Variants in UNC93B1 observed in about 807,000 individuals in gnomAD.
UNC93B1 encodes the protein unc-93B1 regulator of TLR signaling.
A neutral mutation model predicts 56.8 loss-of-function variants in UNC93B1; 33 were observed. The ratio of observed to expected loss-of-function variants is 0.58; its 90% confidence interval spans 0.44 to 0.78. The LOEUF is 0.78. Ranked by LOEUF, UNC93B1 falls within the 30% of genes least tolerant of loss-of-function variation. UNC93B1 has a pLI of 0.00. For missense variants in UNC93B1, 673 were observed against 819.5 expected (o/e 0.82, Z 2.18); for synonymous variants, 334 against 358.6 (o/e 0.93, Z 0.77).
At chr11:68,000,628 G>A (rs556796815) in intron 3 of UNC93B1, among the ~76,000 whole-genome samples, 23 of 152,154 alleles carry the variant, frequency 1.5e-4, no homozygotes, top group Non-Finnish European at 2.2e-4. Flanking sequence ...TCGCGTCACC[G>A]CACTCCAGCC....
rs567285561 is a variant in UNC93B1 at position 67,999,051 on chromosome 11, C to T, written c.687+122G>A. 5 of 1,447,610 alleles carry T rather than the reference C, an allele frequency of 3.5e-6. No individual in the cohort carries two copies. The African/African-American group carries it at 5.7e-5, about 16-fold the overall frequency. 89.7% of individuals were successfully genotyped at this position (1,447,610 alleles called of 1,614,324 possible). A position where few individuals can be genotyped will look rare whatever the true frequency, so the allele number is the denominator to read the frequency against. Reference sequence around the variant, plus strand: ...AGCCATCTGGGCAACATAGTGAGACCAGGCCTCTTAAAAATAACAATAATA... The same window carrying T: ...AGCCATCTGGGCAACATAGTGAGACTAGGCCTCTTAAAAATAACAATAATA... On this transcript the variant is annotated intron_variant, in intron 5 of 10. Coordinates refer to ENST00000227471, the MANE Select transcript of UNC93B1 (RefSeq NM_030930.4).
Position 67,995,759 on chromosome 11 carries a change from C to G in UNC93B1, c.1215G>C (p.Leu405=), listed in dbSNP as rs1055846. ...GCAGGTGCACCCCTGCTCCGGCCACCAGGGGCACCGGGCGTGGCAGCCACA... is the reference window on the plus strand; with the variant it reads ...GCAGGTGCACCCCTGCTCCGGCCACGAGGGGCACCGGGCGTGGCAGCCACA... ...LGLWLPRPVP[L]VAGAGVHLLL... The change falls in exon 9 of 11, where the codon CTG becomes CTC. Residue 405 remains leucine (L), a synonymous_variant. Coordinates refer to ENST00000227471, the MANE Select transcript of UNC93B1 (RefSeq NM_030930.4). 49 of 1,548,122 alleles carry G rather than the reference C, an allele frequency of 3.2e-5. No individual in the cohort carries two copies. Among genetic ancestry groups the G allele is most frequent in the East Asian group, 2.4e-4 (10 of 40,888 alleles).
Position 68,003,528 on chromosome 11 carries a change from C to A in UNC93B1, c.238+129G>T. 7.6e-7 allele frequency: 1 copy of A among 1,321,296 alleles called. No individual in the cohort carries two copies. Among genetic ancestry groups the A allele is most frequent in the Non-Finnish European group, 9.8e-7 (1 of 1,018,128 alleles). 81.8% of individuals were successfully genotyped at this position (1,321,296 alleles called of 1,614,324 possible). A position where few individuals can be genotyped will look rare whatever the true frequency, so the allele number is the denominator to read the frequency against. On this transcript the variant is annotated intron_variant, in intron 2 of 10. Coordinates refer to ENST00000227471, the MANE Select transcript of UNC93B1 (RefSeq NM_030930.4). The surrounding 1 kb of genome is among the most constrained non-coding windows in gnomAD (Gnocchi z 4.4). ...CCAACCCCACCCCCGCCGCGGGGGG[C>A]CGTGGCTGCAGCTGCGAGGGCAGCG...
At chr11:68,000,453 T>C (rs539035947) in intron 3 of UNC93B1, among the ~76,000 whole-genome samples, 2 of 151,762 alleles carry the variant, frequency 1.3e-5, no homozygotes, top group Non-Finnish European at 2.9e-5. Context: ...TCACCTGAGG[T>C]CAGAAGTTTG....
At position 68,003,873 on chromosome 11, in the gene UNC93B1, GC is replaced by G; in HGVS notation, c.96+74del. The stretch of plus-strand genomic sequence containing the variant: ...GTCCCCCGGTGCCCGCCGCCCCCCG[GC>G]CCGCCCCGCCCCCGCCGGGGGGACC... On this transcript the variant is annotated intron_variant, in intron 1 of 10. Transcript: ENST00000227471. This position sits in a 1 kb window ranked among gnomAD's most constrained non-coding sequence, Gnocchi z 4.4. 7.8e-7 allele frequency: 1 copy of G among 1,281,192 alleles called. No homozygotes were observed. Among genetic ancestry groups the G allele is most frequent in the Non-Finnish European group, 9.8e-7 (1 of 1,020,242 alleles). The allele number at this position is 1,281,192 out of a possible 1,614,324, so 79.4% of individuals were successfully genotyped here. A position where few individuals can be genotyped will look rare whatever the true frequency, so the allele number is the denominator to read the frequency against.
In UNC93B1 at chr11:67,996,769, C is replaced by T. The variant is rs868764017; in HGVS notation, c.922G>A (p.Gly308Arg). 3 of 1,558,992 alleles carry T rather than the reference C, an allele frequency of 1.9e-6. No individual in the cohort carries two copies. The highest frequency in any genetic ancestry group is 1.2e-5 in the South Asian group (1 of 84,784). ...LAMLLVLGLC[G>R]AAYRPTEEID... ...TCCTCCGTGGGCCGGTAAGCGGCTC[C>T]GCACAAACCCAGCACCTGCGAACCC... Residue 308 changes from glycine (G) to arginine (R), a missense_variant, in exon 8 of 11, where the codon GGA becomes AGA. Physicochemically the swap from Gly to Arg is moderately radical, Grantham distance 125. Around this residue, in one of 3 missense-constraint regions of UNC93B1, gnomAD observed 438 missense variants for 465.9 expected, o/e 0.94. Coordinates refer to ENST00000227471, the MANE Select transcript of UNC93B1 (RefSeq NM_030930.4).
chr11:67,997,863 C>T, intron 6 of UNC93B1, 64 bp from the exon 7 acceptor site: 1 of 1,576,590 alleles, frequency 6.3e-7, no homozygotes, highest in Non-Finnish European at 8.6e-7. Context: ...ATCCAGCCAC[C>T]AGGGTGGAGC....
Position 67,998,437 on chromosome 11 carries a change from C to T in UNC93B1, c.703G>A (p.Ala235Thr), listed in dbSNP as rs1230606959. The change falls in exon 6 of 11, where the codon GCC becomes ACC. Residue 235 changes from alanine to threonine, a missense_variant. Ala to Thr is a moderately conservative substitution (Grantham distance 58). This residue lies in a region of UNC93B1 where 438 missense variants were observed against 465.9 expected (regional missense o/e 0.94). Transcript: ENST00000227471. ...YSFFHLSFAC[A>T]QLPMIYFLNH... ...AGGAAATAAATCATGGGCAGCTGGG[C>T]GCAGGCGAAGCTCAGCTGCAGAAAC... 26 of 1,613,784 alleles carry T rather than the reference C, an allele frequency of 1.6e-5. No individual in the cohort carries two copies. The highest frequency in any genetic ancestry group is 2.2e-5 in the Non-Finnish European group (26 of 1,179,856).
In UNC93B1 at chr11:67,997,835, G is replaced by A. The variant is rs748323181; in HGVS notation, c.782-36C>T. On this transcript the variant is annotated intron_variant, in intron 6 of 10. Transcript: ENST00000227471. The stretch of plus-strand genomic sequence containing the variant: ...TGGGGGTGAGGGCACCGTGAGCAGA[G>A]AGTAGGGCACACAGTCAATCCAGCC... 6 of 1,594,334 alleles carry A rather than the reference G, an allele frequency of 3.8e-6. No homozygotes were observed. In the East Asian group the frequency reaches 6.7e-5, roughly 18 times the overall value.
chr11:68,003,281 A>C lies in UNC93B1; in HGVS notation c.239-106T>G. The C allele has an allele frequency of 7.7e-7, 1 of 1,304,880 alleles. No homozygotes were observed. Among genetic ancestry groups the C allele is most frequent in the South Asian group, 1.6e-5 (1 of 63,004 alleles). The allele number at this position is 1,304,880 out of a possible 1,614,324, so 80.8% of individuals were successfully genotyped here. On this transcript the variant is annotated intron_variant, in intron 2 of 10. Transcript: ENST00000227471. The surrounding 1 kb of genome is among the most constrained non-coding windows in gnomAD (Gnocchi z 4.4). Reference sequence around the variant, plus strand: ...GCAGGGAGCTCCAATCACCGAAGGCATTCCCGCTGACAGCGCCCCTCAGGA... The same window carrying C: ...GCAGGGAGCTCCAATCACCGAAGGCCTTCCCGCTGACAGCGCCCCTCAGGA...
rs1856846720 is a variant in UNC93B1, at chr11:67,991,744, G to C, written c.1596C>G (p.Pro532=). The change falls in exon 11 of 11, where the codon CCC becomes CCG. Residue 532 remains proline, a synonymous_variant. Transcript: ENST00000227471. ...VAPRQPRIPR[P]QHKVRGYRYL... ...AGCGGTAACCGCGCACCTTGTGCTG[G>C]GGCCGCGGGATGCGGGGCTGGCGCG... 1.9e-6 allele frequency: 3 copies of C among 1,538,940 alleles called. No homozygotes were observed. The highest frequency in any genetic ancestry group is 2.4e-5 in the East Asian group (1 of 41,254).
In UNC93B1 at chr11:67,999,214, A is replaced by G. The variant is rs1273886507; in HGVS notation, c.646T>C (p.Tyr216His). Residue 216 changes from tyrosine to histidine, a missense_variant, in exon 5 of 11, where the codon TAT becomes CAT. Physicochemically the swap from Tyr to His is moderately conservative, Grantham distance 83 (BLOSUM62 2). Transcript: ENST00000227471. Reference protein sequence around the residue: ...QRPPRGSHAPYLLVFQAIFYS... With the variant: ...QRPPRGSHAPHLLVFQAIFYS... ...AAGATGGCTTGGAAGACCAGGAGATAGGGCGCGTGGGAGCCCCGCGGAGGC... is the reference window on the plus strand; with the variant it reads ...AAGATGGCTTGGAAGACCAGGAGATGGGGCGCGTGGGAGCCCCGCGGAGGC... 1.2e-6 allele frequency: 2 copies of G among 1,613,320 alleles called. No homozygotes were observed. The highest frequency in any genetic ancestry group is 1.7e-6 in the Non-Finnish European group (2 of 1,179,832).
In UNC93B1 at chr11:68,003,901, T is replaced by C; in HGVS notation, c.96+47A>G. ...CGCCCCGCCCCCGCCGGGGGGACCCTGGCCCACAGGGGACGCCCGCGCCTC... is the reference window on the plus strand; with the variant it reads ...CGCCCCGCCCCCGCCGGGGGGACCCCGGCCCACAGGGGACGCCCGCGCCTC... On this transcript the variant is annotated intron_variant, in intron 1 of 10. Transcript: ENST00000227471. This position sits in a 1 kb window ranked among gnomAD's most constrained non-coding sequence, Gnocchi z 4.4. 9 of 1,306,826 alleles carry C rather than the reference T, an allele frequency of 6.9e-6. No homozygotes were observed. The highest frequency in any genetic ancestry group is 8.7e-6 in the Non-Finnish European group (9 of 1,029,928). The allele number at this position is 1,306,826 out of a possible 1,614,324, so 81.0% of individuals were successfully genotyped here. A position where few individuals can be genotyped will look rare whatever the true frequency, so the allele number is the denominator to read the frequency against.
Position 67,999,513 on chromosome 11 carries a change from G to T in UNC93B1, c.554+6C>A. On this transcript the variant is annotated splice_donor_region_variant and intron_variant, in intron 4 of 10. Transcript: ENST00000227471. ...AGCCTCCTGCCCTGCTGCCCACCAG[G>T]CTCACCTGGTGATGTAGTTGCCCAT... 6.5e-7 allele frequency: 1 copy of T among 1,548,546 alleles called. No homozygotes were observed.
chr11:68,004,087 T>G lies in UNC93B1; in HGVS notation c.-44A>C, dbSNP rs552240219. ...CTCGCGGCGGTCGCCCCGGAGTCCC[T>G]GCGACCGCCCGGCCACTTCCTCCCG... On this transcript the variant is annotated 5_prime_UTR_variant, in exon 1 of 11. Transcript: ENST00000227471. 6 of 1,267,998 alleles carry G rather than the reference T, an allele frequency of 4.7e-6. No homozygotes were observed. Among genetic ancestry groups the G allele is most frequent in the Non-Finnish European group, 6.0e-6 (6 of 1,002,408 alleles). 78.5% of individuals were successfully genotyped at this position (1,267,998 alleles called of 1,614,324 possible). A position where few individuals can be genotyped will look rare whatever the true frequency, so the allele number is the denominator to read the frequency against.
Position 67,998,390 on chromosome 11 carries a change from C to G in UNC93B1, c.750G>C (p.Leu250=), listed in dbSNP as rs1229471350. Residue 250 remains leucine (L), a synonymous_variant, in exon 6 of 11, where the codon CTG becomes CTC. Transcript: ENST00000227471. ...TCTGCACATTGTACAGCGTGTGGTT[C>G]AGGTCATACAGGTAGTGGTTCAGGA... ...IYFLNHYLYD[L]NHTLYNVQSC... 1.9e-6 allele frequency: 3 copies of G among 1,613,960 alleles called. No individual in the cohort carries two copies. The Admixed American group carries it at 5.0e-5, about 27-fold the overall frequency.
intron 3 of UNC93B1, among the ~76,000 whole-genome samples, chr11:68,001,395 G>A (rs530130919): frequency 6.6e-6 from 1 of 152,222 alleles, no homozygotes; most frequent in Admixed American, 6.5e-5. Flanking sequence ...GCTGGATGTG[G>A]TGGCTCACAC....
rs1467198457 is a variant in UNC93B1 at position 67,999,630 on chromosome 11, A to G, written c.443T>C (p.Leu148Pro). 1 of 1,611,466 alleles carries G rather than the reference A, an allele frequency of 6.2e-7. No individual in the cohort carries two copies. Among genetic ancestry groups the G allele is most frequent in the African/African-American group, 1.3e-5 (1 of 74,990 alleles). Residue 148 changes from leucine (L) to proline (P), a missense_variant, in exon 4 of 11, where the codon CTC becomes CCC. Around this residue, in one of 3 missense-constraint regions of UNC93B1, gnomAD observed 438 missense variants for 465.9 expected, o/e 0.94. Transcript: ENST00000227471. ...CTCCCAGTAGTTGGTGGAGACAAAG[A>G]GGGCGTAGATGCCCACAGCGAGGAA... Reference protein sequence around the residue: ...MMFLAVGIYALFVSTNYWERY... With the variant: ...MMFLAVGIYAPFVSTNYWERY...
chr11:67,991,159 G>C lies in UNC93B1; in HGVS notation c.*387C>G, dbSNP rs1232399550. 1 of 204,196 alleles carries C rather than the reference G, an allele frequency of 4.9e-6. No individual in the cohort carries two copies. Among genetic ancestry groups the C allele is most frequent in the Non-Finnish European group, 9.8e-6 (1 of 102,376 alleles). 12.6% of individuals were successfully genotyped at this position (204,196 alleles called of 1,614,324 possible). ...TCTGTAAAAAATCGTGGCTCTCGGC[G>C]GACCCTGGGGATAGGAGGTGCAAAG... On this transcript the variant is annotated 3_prime_UTR_variant, in exon 11 of 11. Transcript: ENST00000227471.
Sources: gnomAD v4.1 joint callset for allele counts (sites outside exome capture counted in the v4.1 genomes callset) on GRCh38, gnomAD v4.1.1 for gene constraint, gnomAD v4.1.1 regional missense constraint, Gnocchi (gnomAD v3.1) non-coding constraint, MANE v1.5 for transcripts, NCBI Gene and HGNC (gene_info 2026-07-23, HGNC 2026-07-21) for gene names.